Variants in FAM177A1 observed in about 807,000 individuals in gnomAD.
FAM177A1 encodes family with sequence similarity 177 member A1.
FAM177A1 carries 22 observed loss-of-function variants against 26.1 expected under a neutral mutation model. That is an observed-to-expected ratio of 0.84 (90% CI 0.60 to 1.20). The LOEUF is 1.20. FAM177A1 is among the 50% of genes most tolerant of loss of function. The probability of loss-of-function intolerance (pLI) is 0.00; values close to 1 mark genes in which losing one functional copy is unlikely to be tolerated. For missense variants in FAM177A1, 296 were observed against 291.1 expected, an observed-to-expected ratio of 1.02 and a Z score of -0.12; for synonymous variants, 95 against 99.3, an observed-to-expected ratio of 0.96 and a Z score of 0.26.
At chr14:35,050,681 GCT>G (rs1460372592) in intron 1 of FAM177A1, 1 of 152,194 alleles carries the variant, frequency 6.6e-6, no homozygotes, top group Non-Finnish European at 1.5e-5. Flanking sequence ...AAGGATCTGA[GCT>G]CTCTATTCAC....
chr14:35,076,663 C>T (rs536749147), intron 2 of FAM177A1, among the ~76,000 whole-genome samples: 2 of 152,034 alleles, frequency 1.3e-5, no homozygotes, highest in South Asian at 2.1e-4. Context: ...TATTTTCCCA[C>T]CATTAAAAGC....
At chr14:35,055,155 T>G (rs1004144026) in intron 2 of FAM177A1, among the ~76,000 whole-genome samples, 2 of 150,090 alleles carry the variant, frequency 1.3e-5, no homozygotes, top group African/African-American at 4.9e-5. Flanking sequence ...TACAAAAAAT[T>G]AGGCAGGCGT....
At position 35,063,910 on chromosome 14, in the gene FAM177A1, T is replaced by A. The variant is rs2045199062; in HGVS notation, c.339+10459T>A. On this transcript the variant is annotated intron_variant, in intron 2 of 4. Transcript: ENST00000280987. Reference sequence around the variant, plus strand: ...TAAAAATACAAAAATTAGCTGGGCTTGGTGGCACAAGCCTGTAATCCCAGC... The same window carrying A: ...TAAAAATACAAAAATTAGCTGGGCTAGGTGGCACAAGCCTGTAATCCCAGC... Among the ~76,000 whole-genome samples the A allele has an allele frequency of 1.3e-5, 2 of 151,146 alleles. 1 individual carries two copies. The highest frequency in any genetic ancestry group is 4.2e-4 in the South Asian group (2 of 4,782).
chr14:35,062,320 T>C (rs1004852828), intron 2 of FAM177A1, among the ~76,000 whole-genome samples: 2 of 152,204 alleles, frequency 1.3e-5, no homozygotes, highest in African/African-American at 2.4e-5. Context: ...TAGAGGTCTA[T>C]ATCCACTATT....
chr14:35,071,291 C>T (rs2138560544), intron 2 of FAM177A1, among the ~76,000 whole-genome samples: 1 of 151,926 alleles, frequency 6.6e-6, no homozygotes, highest in Admixed American at 6.6e-5. Flanking sequence ...GCCACTGCAC[C>T]CGGCCGACCT....
chr14:35,075,231 G>T (rs2045377220), intron 2 of FAM177A1, among the ~76,000 whole-genome samples: 1 of 152,178 alleles, frequency 6.6e-6, no homozygotes, highest in East Asian at 1.9e-4. Flanking sequence ...AACTACGTAG[G>T]TGTGCATTGT....
chr14:35,071,655 G>C (rs948730104), intron 2 of FAM177A1, among the ~76,000 whole-genome samples: 1 of 152,142 alleles, frequency 6.6e-6, no homozygotes, highest in African/African-American at 2.4e-5. Context: ...TTATTAACCT[G>C]TTTTTCAGCT....
At position 35,053,191 on chromosome 14, in the gene FAM177A1, C is replaced by T. The variant is rs574320642; in HGVS notation, c.166-87C>T. On this transcript the variant is annotated intron_variant, in intron 1 of 4. Coordinates refer to ENST00000280987, the MANE Select transcript of FAM177A1 (RefSeq NM_173607.5). ...TGCTTAAAGATTTATTTCTTTACTA[C>T]AATAAACCTACCAAAAGTTTTTCAC... 44 of 1,230,996 alleles carry T rather than the reference C, an allele frequency of 3.6e-5. No homozygotes were observed. In the African/African-American group the frequency reaches 5.2e-4, roughly 15 times the overall value. 76.3% of individuals were successfully genotyped at this position (1,230,996 alleles called of 1,614,324 possible). A position where few individuals can be genotyped will look rare whatever the true frequency, so the allele number is the denominator to read the frequency against.
intron 3 of FAM177A1, among the ~76,000 whole-genome samples, chr14:35,077,514 C>T (rs1261034481): frequency 3.5e-5 from 4 of 115,680 alleles, no homozygotes; most frequent in Admixed American, 1.2e-4. Flanking sequence ...CTCGCTCTGT[C>T]GCCCAGGCCG....
intron 2 of FAM177A1, among the ~76,000 whole-genome samples, chr14:35,055,560 A>G (rs1023644889): frequency 4.6e-5 from 7 of 151,656 alleles, no homozygotes; most frequent in Admixed American, 6.6e-5. Context: ...CAGCCTCCCA[A>G]GTAGCTGGGA....
In FAM177A1 at chr14:35,046,373, T is replaced by G; in HGVS notation, c.-91T>G. 4 of 1,354,000 alleles carry G rather than the reference T, an allele frequency of 3.0e-6. No individual in the cohort carries two copies. The highest frequency in any genetic ancestry group is 3.8e-6 in the Non-Finnish European group (4 of 1,039,122). 83.9% of individuals were successfully genotyped at this position (1,354,000 alleles called of 1,614,324 possible). Reference sequence around the variant, plus strand: ...CCGGCGAGTCCCCTTCTCAGAGACTTGGCTAGGCGCGGCGCGAGGCGGGCG... The same window carrying G: ...CCGGCGAGTCCCCTTCTCAGAGACTGGGCTAGGCGCGGCGCGAGGCGGGCG... On this transcript the variant is annotated 5_prime_UTR_variant, in exon 1 of 5. Coordinates refer to ENST00000280987, the MANE Select transcript of FAM177A1 (RefSeq NM_173607.5).
intron 2 of FAM177A1, among the ~76,000 whole-genome samples, chr14:35,055,263 A>G (rs1380904627): frequency 6.6e-6 from 1 of 150,818 alleles, no homozygotes; most frequent in East Asian, 2.0e-4. Flanking sequence ...AGATCGTGCC[A>G]TTGTACTCCA....
intron 2 of FAM177A1, among the ~76,000 whole-genome samples, chr14:35,074,861 C>T (rs2045371137): frequency 6.6e-6 from 1 of 151,690 alleles, no homozygotes; most frequent in South Asian, 2.1e-4. Flanking sequence ...GCCAACATGG[C>T]GAAACCTTAT....
chr14:35,077,065 A>T, intron 2 of FAM177A1, 85 bp from the exon 3 acceptor site: 1 of 1,029,090 alleles, frequency 9.7e-7, no homozygotes. Context: ...CTCGGTGCCT[A>T]CCAAGTATTT....
At chr14:35,046,660 G>GAGCC in intron 1 of FAM177A1, 32 bp downstream of exon 1, 1 of 1,511,280 alleles carries the variant, frequency 6.6e-7, no homozygotes, top group Non-Finnish European at 8.9e-7. Flanking sequence ...GACGTCCGGG[G>GAGCC]AGCCGAGCCG....
At chr14:35,059,915 T>C (rs578077133) in intron 2 of FAM177A1, among the ~76,000 whole-genome samples, 1 of 152,218 alleles carries the variant, frequency 6.6e-6, no homozygotes, top group Non-Finnish European at 1.5e-5. Context: ...TCCACCTTCC[T>C]TGGCTTCCCA....
chr14:35,077,575 C>T lies in FAM177A1; in HGVS notation c.406+359C>T, dbSNP rs929121683. Among the ~76,000 whole-genome samples, 10 of 148,462 alleles carry T rather than the reference C, an allele frequency of 6.7e-5. No homozygotes were observed. The East Asian group carries it at 9.9e-4, about 15-fold the overall frequency. ...TTGGCTCACTGCAAGCTCCGCTTCC[C>T]GGGTTCACGCCATTCGCCTGCCTCA... On this transcript the variant is annotated intron_variant, in intron 3 of 4. Coordinates refer to ENST00000280987, the MANE Select transcript of FAM177A1 (RefSeq NM_173607.5).
chr14:35,057,266 G>A (rs2045076226), intron 2 of FAM177A1, among the ~76,000 whole-genome samples: 1 of 152,098 alleles, frequency 6.6e-6, no homozygotes, highest in South Asian at 2.1e-4. Flanking sequence ...CTGCTATATT[G>A]CCTAGGCTGG....
At chr14:35,073,015 G>C (rs895896635) in intron 2 of FAM177A1, among the ~76,000 whole-genome samples, 2 of 152,188 alleles carry the variant, frequency 1.3e-5, no homozygotes, top group Non-Finnish European at 2.9e-5. Context: ...GGCATCTTCA[G>C]TGGTGTAATC....
Sources: gnomAD v4.1 joint callset for allele counts (sites outside exome capture counted in the v4.1 genomes callset) on GRCh38, gnomAD v4.1.1 for gene constraint, MANE v1.5 for transcripts, NCBI Gene and HGNC (gene_info 2026-07-23, HGNC 2026-07-21) for gene names.